Variants in RIC8B observed in about 807,000 individuals in gnomAD.
The protein encoded by RIC8B is RIC8 guanine nucleotide exchange factor B.
A neutral mutation model predicts 57.5 loss-of-function variants in RIC8B; 16 were observed. That is an observed-to-expected ratio of 0.28 (90% confidence interval 0.19 to 0.42). The LOEUF is 0.42. Among genes scored for constraint, RIC8B ranks in the 10% least tolerant of loss-of-function variants. RIC8B has a pLI of 1.00. For missense variants in RIC8B, 481 were observed against 677.0 expected, an observed-to-expected ratio of 0.71 and a Z score of 3.21; for synonymous variants, 216 against 250.8, an observed-to-expected ratio of 0.86 and a Z score of 1.31.
chr12:106,843,496 G>C (rs1196560296), intron 5 of RIC8B, among the ~76,000 whole-genome samples: 2 of 150,290 alleles, frequency 1.3e-5, no homozygotes, highest in Admixed American at 1.3e-4. Context: ...TCCCCACCTC[G>C]TGGATCACGA....
intron 9 of RIC8B, among the ~76,000 whole-genome samples, chr12:106,883,478 A>G (rs1951049093): frequency 6.6e-6 from 1 of 152,134 alleles, no homozygotes; most frequent in South Asian, 2.1e-4. Flanking sequence ...GTCCTAAAAT[A>G]TATCAGAATC....
intron 2 of RIC8B, among the ~76,000 whole-genome samples, chr12:106,799,862 A>T (rs1566052805): frequency 6.6e-6 from 1 of 152,108 alleles, no homozygotes; most frequent in Non-Finnish European, 1.5e-5. Flanking sequence ...CGGCTATCTT[A>T]GTCTGCTTGA....
chr12:106,778,276 CTG>C (rs1025144794), intron 1 of RIC8B, among the ~76,000 whole-genome samples: 1 of 152,174 alleles, frequency 6.6e-6, no homozygotes, highest in African/African-American at 2.4e-5. Context: ...CTAATTTCTA[CTG>C]TGTTATATAG....
At chr12:106,857,919 C>A (rs1949772723) in intron 7 of RIC8B, among the ~76,000 whole-genome samples, 1 of 152,130 alleles carries the variant, frequency 6.6e-6, no homozygotes, top group African/African-American at 2.4e-5. Context: ...TGGCTATACC[C>A]TTTATCTACT....
intron 4 of RIC8B, among the ~76,000 whole-genome samples, chr12:106,833,470 G>A (rs112716244): frequency 0.022 from 3,297 of 152,000 alleles, 119 homozygotes; most frequent in African/African-American, 0.075. Flanking sequence ...GCATGATGAC[G>A]CATGCCTGTA....
intron 9 of RIC8B, chr12:106,873,041 C>T (rs1189397875): frequency 6.1e-5 from 60 of 985,268 alleles, no homozygotes; most frequent in Non-Finnish European, 7.0e-5. Context: ...GGGGAATCCA[C>T]ATATTCTAGA....
At chr12:106,797,603 T>C (rs893020410) in intron 2 of RIC8B, among the ~76,000 whole-genome samples, 1 of 152,168 alleles carries the variant, frequency 6.6e-6, no homozygotes, top group Non-Finnish European at 1.5e-5. Context: ...GTGAATATAG[T>C]AAAAACCAAT....
At chr12:106,812,445 GT>G (rs71072694) in intron 2 of RIC8B, among the ~76,000 whole-genome samples, 28,152 of 136,852 alleles carry the variant, frequency 0.21, 2,800 homozygotes, top group East Asian at 0.34. Flanking sequence ...CCTATAGTTT[GT>G]TTTTTTTTTT....
In RIC8B at chr12:106,885,990, A is replaced by G. The variant is rs1316994136; in HGVS notation, c.1658A>G (p.Glu553Gly). The G allele has an allele frequency of 6.2e-7, 1 of 1,613,446 alleles. No individual in the cohort carries two copies. The highest frequency in any genetic ancestry group is 1.3e-5 in the African/African-American group (1 of 75,010). ...GCACTCAACCAGTACTCTGTCATCG[A>G]AGAGACCAGCTCTGACACAGACTAA... is the stretch of plus-strand genomic sequence containing the variant. ...EEALNQYSVIEETSSDTD is the reference protein window; with the variant it reads ...EEALNQYSVIGETSSDTD The change falls in exon 10 of 10, where the codon GAA becomes GGA. Residue 553 changes from glutamate (E) to glycine (G), a missense_variant. By Grantham distance (98) the Glu-to-Gly change is moderately conservative (BLOSUM62 -2). Around this residue, in one of 3 missense-constraint regions of RIC8B, gnomAD observed 17 missense variants for 16.3 expected, o/e 1.05. Coordinates refer to ENST00000392837, the MANE Select transcript of RIC8B (RefSeq NM_001330145.2).
chr12:106,857,199 T>G (rs1214461479), intron 7 of RIC8B, among the ~76,000 whole-genome samples: 1 of 152,132 alleles, frequency 6.6e-6, no homozygotes, highest in Non-Finnish European at 1.5e-5. Flanking sequence ...TGGGCAGTTG[T>G]GTGGAATAAG....
At chr12:106,829,430 C>T (rs1017221087) in intron 4 of RIC8B, among the ~76,000 whole-genome samples, 2 of 152,156 alleles carry the variant, frequency 1.3e-5, no homozygotes, top group South Asian at 4.1e-4. Context: ...TTTAGGCTCT[C>T]AATCTCGTTT....
At chr12:106,798,037 G>A (rs543627121) in intron 2 of RIC8B, 24 of 716,070 alleles carry the variant, frequency 3.4e-5, no homozygotes, top group South Asian at 8.9e-5. Context: ...TAGTTATAGC[G>A]TTGACAGAAA....
intron 2 of RIC8B, among the ~76,000 whole-genome samples, chr12:106,805,847 C>T (rs1566061243): frequency 1.3e-5 from 2 of 152,194 alleles, no homozygotes; most frequent in Non-Finnish European, 1.5e-5. Flanking sequence ...ATTGCCAGCC[C>T]ATTTCTCTGT....
intron 7 of RIC8B, among the ~76,000 whole-genome samples, chr12:106,859,977 C>T (rs886463167): frequency 2.6e-5 from 4 of 152,084 alleles, no homozygotes; most frequent in Non-Finnish European, 5.9e-5. Flanking sequence ...AAACTTAAAG[C>T]GTGACCCTTA....
chr12:106,820,995 TC>T (rs1197894528), intron 3 of RIC8B, among the ~76,000 whole-genome samples: 1 of 152,228 alleles, frequency 6.6e-6, no homozygotes, highest in Non-Finnish European at 1.5e-5. Context: ...GAAGGTGGTA[TC>T]ATTTCAGGAG....
intron 2 of RIC8B, among the ~76,000 whole-genome samples, chr12:106,807,504 A>G (rs1249244610): frequency 6.6e-6 from 1 of 152,146 alleles, no homozygotes; most frequent in African/African-American, 2.4e-5. Flanking sequence ...GACAGTGGAG[A>G]AGTCATACCC....
chr12:106,881,969 A>G (rs1950957441), intron 9 of RIC8B, among the ~76,000 whole-genome samples: 1 of 152,230 alleles, frequency 6.6e-6, no homozygotes, highest in Non-Finnish European at 1.5e-5. Flanking sequence ...TTTAAAGCTT[A>G]AAGAAAGCAG....
chr12:106,871,000 T>C, intron 9 of RIC8B, 58 bp downstream of exon 9: 1 of 1,504,956 alleles, frequency 6.6e-7, no homozygotes, highest in Non-Finnish European at 9.0e-7. Flanking sequence ...TTTCTTTGTC[T>C]CTCTCACTGA....
intron 2 of RIC8B, among the ~76,000 whole-genome samples, chr12:106,788,521 C>T (rs2044135076): frequency 6.6e-6 from 1 of 152,210 alleles, no homozygotes; most frequent in Non-Finnish European, 1.5e-5. Flanking sequence ...AAACTTTTGC[C>T]TGGGCATCCA....
Sources: gnomAD v4.1 joint callset for allele counts (sites outside exome capture counted in the v4.1 genomes callset) on GRCh38, gnomAD v4.1.1 for gene constraint, gnomAD v4.1.1 regional missense constraint, MANE v1.5 for transcripts, NCBI Gene and HGNC (gene_info 2026-07-23, HGNC 2026-07-21) for gene names.